NRP2: variants seen among roughly 807,000 people sequenced by gnomAD.
NRP2 encodes neuropilin 2, also known as neuropilin-2.
A neutral mutation model predicts 110.4 loss-of-function variants in NRP2; 52 were observed. The ratio of observed to expected loss-of-function variants is 0.47; its 90% CI spans 0.38 to 0.59. The LOEUF (loss-of-function observed/expected upper bound fraction) is 0.59, where lower values mean the gene tolerates loss of function less well. NRP2 is among the 20% of genes least tolerant of loss of function. The pLI is 0.00. For missense variants in NRP2, 1,049 were observed against 1,203.0 expected, an observed-to-expected ratio of 0.87 and a Z score of 1.89; for synonymous variants, 508 against 468.9, an observed-to-expected ratio of 1.08 and a Z score of -1.08.
Position 205,794,936 on chromosome 2 carries a change from T to C in NRP2, c.2659T>C (p.Cys887Arg). 1 of 1,614,184 alleles carries C rather than the reference T, an allele frequency of 6.2e-7. No individual in the cohort carries two copies. The highest frequency in any genetic ancestry group is 8.5e-7 in the Non-Finnish European group (1 of 1,180,026). The stretch of plus-strand genomic sequence containing the variant: ...TGCAGGCCTCCTGCTCTACTGCACC[T>C]GTTCCTACTCGGGCCTGAGCTCCCG... ...TCAGLLLYCT[C>R]SYSGLSSRSC... is the part of the protein sequence containing the mutation. The change falls in exon 17 of 17, where the codon TGT (cysteine) becomes CGT (arginine). Residue 887 changes from cysteine to arginine, a missense_variant. Coordinates refer to ENST00000357785, the MANE Select transcript of NRP2 (RefSeq NM_003872.3).
Position 205,767,453 on chromosome 2 carries a change from G to A in NRP2, c.2425+650G>A, listed in dbSNP as rs144209105. The A allele has an allele frequency of 2.6e-4, 132 of 517,200 alleles. No homozygotes were observed. In the East Asian group the frequency reaches 5.1e-3, roughly 20 times the overall value. 32.0% of individuals were successfully genotyped at this position (517,200 alleles called of 1,614,324 possible). A position where few individuals can be genotyped will look rare whatever the true frequency, so the allele number is the denominator to read the frequency against. On this transcript the variant is annotated intron_variant, in intron 15 of 16. Transcript: ENST00000357785. ...GTCAAGGGAATAAGGAGGTGCATTC[G>A]ATGACTGGAGCTAGAGCACTTTAAA...
Position 205,743,318 on chromosome 2 carries a change from C to T in NRP2, c.1407C>T (p.Ser469=). The change falls in exon 9 of 17, where the codon AGC becomes AGT. Residue 469 remains serine, a synonymous_variant. Coordinates refer to ENST00000357785, the MANE Select transcript of NRP2 (RefSeq NM_003872.3). The part of the protein sequence containing the change: ...LWSPSAARLV[S]SRSGWFPRIP... ...GCCCCAGTGCAGCCCGCCTGGTTAG[C>T]AGCCGCTCGGGCTGGTTCCCTCGAA... 2 of 1,614,176 alleles carry T rather than the reference C, an allele frequency of 1.2e-6. No homozygotes were observed. The highest frequency in any genetic ancestry group is 1.7e-6 in the Non-Finnish European group (2 of 1,179,996).
chr2:205,779,538 A>C (rs913935317), intron 15 of NRP2: 1 of 152,198 alleles, frequency 6.6e-6, no homozygotes, highest in Admixed American at 6.5e-5. Flanking sequence ...ACCAAAGAAC[A>C]ACAACGAAAC....
intron 2 of NRP2, among the ~76,000 whole-genome samples, chr2:205,702,890 CCT>C (rs2056590531): frequency 6.6e-6 from 1 of 152,222 alleles, no homozygotes; most frequent in Admixed American, 6.5e-5. Context: ...ATCTTCCTCC[CCT>C]GAGTTTCCTT....
intron 10 of NRP2, among the ~76,000 whole-genome samples, chr2:205,746,198 GA>G (rs2105881565): frequency 6.6e-6 from 1 of 152,336 alleles, no homozygotes; most frequent in South Asian, 2.1e-4. Context: ...CTTCAGGCCA[GA>G]GGGCTGTGGC....
intron 7 of NRP2, among the ~76,000 whole-genome samples, chr2:205,737,465 A>G (rs2057365741): frequency 6.6e-6 from 1 of 152,176 alleles, no homozygotes; most frequent in Admixed American, 6.5e-5. Flanking sequence ...CACACTTATG[A>G]GCTAATTAGC....
At chr2:205,793,833 G>A (rs558209013) in intron 16 of NRP2, among the ~76,000 whole-genome samples, 2 of 152,276 alleles carry the variant, frequency 1.3e-5, no homozygotes, top group South Asian at 2.1e-4. Flanking sequence ...TGTCTGGGAG[G>A]GGGATACAGT....
chr2:205,745,560 G>T (rs967530446), intron 9 of NRP2, among the ~76,000 whole-genome samples, 186 bp from the exon 10 acceptor site: 1 of 152,156 alleles, frequency 6.6e-6, no homozygotes, highest in African/African-American at 2.4e-5. Flanking sequence ...CCTTCCAAAT[G>T]AATAAAATCC....
chr2:205,776,257 C>G (rs1194074029), intron 15 of NRP2: 1 of 1,612,918 alleles, frequency 6.2e-7, no homozygotes, highest in Admixed American at 1.7e-5. Flanking sequence ...GGGCACCCTC[C>G]TGCCAGGGAC....
intron 2 of NRP2, among the ~76,000 whole-genome samples, chr2:205,708,241 C>T (rs1034626426): frequency 3.3e-5 from 5 of 152,200 alleles, no homozygotes; most frequent in African/African-American, 9.7e-5. Flanking sequence ...CAGCCTGCCC[C>T]CAAAGCCTTA....
chr2:205,709,117 G>A (rs1173933633), intron 2 of NRP2, among the ~76,000 whole-genome samples: 2 of 152,198 alleles, frequency 1.3e-5, no homozygotes, highest in African/African-American at 4.8e-5. Context: ...GAGGACGGGT[G>A]GTTTTGAACA....
chr2:205,734,396 A>AC (rs2057302132), intron 7 of NRP2, among the ~76,000 whole-genome samples: 27 of 77,260 alleles, frequency 3.5e-4, no homozygotes, highest in South Asian at 8.2e-4. Flanking sequence ...ATCATTTCCC[A>AC]CCGCCCCCCC....
rs1258056658 is a variant in NRP2 at position 205,797,171 on chromosome 2, G to A, written c.*2113G>A. 1 of 152,660 alleles carries A rather than the reference G, an allele frequency of 6.6e-6. No homozygotes were observed. Among genetic ancestry groups the A allele is most frequent in the Non-Finnish European group, 1.5e-5 (1 of 68,054 alleles). 9.5% of individuals were successfully genotyped at this position (152,660 alleles called of 1,614,324 possible). A position where few individuals can be genotyped will look rare whatever the true frequency, so the allele number is the denominator to read the frequency against. ...TTGGCACTCGGCACTCATTGGCACAGTGGTAGTTAGAGGTGAAAAGTAGAG... is the reference window on the plus strand; with the variant it reads ...TTGGCACTCGGCACTCATTGGCACAATGGTAGTTAGAGGTGAAAAGTAGAG... On this transcript the variant is annotated 3_prime_UTR_variant, in exon 17 of 17. Transcript: ENST00000357785.
intron 7 of NRP2, among the ~76,000 whole-genome samples, chr2:205,737,514 T>TTG (rs1269666863): frequency 6.6e-6 from 1 of 152,098 alleles, no homozygotes; most frequent in South Asian, 2.1e-4. Flanking sequence ...CAGTAGTGTT[T>TTG]TGTGTGTGTG....
intron 15 of NRP2, among the ~76,000 whole-genome samples, chr2:205,787,527 A>G (rs1035539574): frequency 6.6e-6 from 1 of 152,192 alleles, no homozygotes; most frequent in Non-Finnish European, 1.5e-5. Context: ...GCTCCTTTAC[A>G]ATGCGGGAAG....
intron 7 of NRP2, among the ~76,000 whole-genome samples, chr2:205,733,230 G>A (rs1256254960): frequency 1.3e-5 from 2 of 152,166 alleles, no homozygotes; most frequent in African/African-American, 2.4e-5. Flanking sequence ...TCAGGCTCCC[G>A]CGGCCAGCGT....
At chr2:205,768,234 G>A (rs994260329) in intron 15 of NRP2, 5 of 152,182 alleles carry the variant, frequency 3.3e-5, no homozygotes, top group African/African-American at 1.2e-4. Context: ...CTGGGGGTGA[G>A]GTTTATGTTA....
intron 15 of NRP2, among the ~76,000 whole-genome samples, chr2:205,781,858 A>C (rs1022680913): frequency 1.3e-5 from 2 of 152,216 alleles, no homozygotes; most frequent in Admixed American, 1.3e-4. Context: ...GTAGCTAGGA[A>C]TAGTGTAGGA....
intron 4 of NRP2, 75 bp from the exon 5 acceptor site, chr2:205,723,710 G>A: frequency 1.4e-6 from 2 of 1,470,038 alleles, no homozygotes; most frequent in Non-Finnish European, 1.9e-6. Context: ...ATGCAATGAG[G>A]GGAAGGGAAA....
Sources: gnomAD v4.1 joint callset for allele counts (sites outside exome capture counted in the v4.1 genomes callset) on GRCh38, gnomAD v4.1.1 for gene constraint, MANE v1.5 for transcripts, NCBI Gene and HGNC (gene_info 2026-07-23, HGNC 2026-07-21) for gene names.